Variants in ORC5 observed in about 807,000 individuals in gnomAD.
ORC5 encodes origin recognition complex subunit 5.
A neutral mutation model predicts 58.8 loss-of-function variants in ORC5; 39 were observed. The ratio of observed to expected loss-of-function variants is 0.66; its 90% confidence interval spans 0.51 to 0.87. The LOEUF is 0.87. Ranked by LOEUF, ORC5 falls within the 40% of genes least tolerant of loss-of-function variation. The pLI is 0.00. For missense variants in ORC5, 493 were observed against 506.3 expected (o/e 0.97, Z 0.25); for synonymous variants, 218 against 177.6 (o/e 1.23, Z -1.81).
chr7:104,153,472 G>C (rs1227019049), intron 12 of ORC5, among the ~76,000 whole-genome samples: 2 of 152,086 alleles, frequency 1.3e-5, no homozygotes, highest in Non-Finnish European at 2.9e-5. Flanking sequence ...ATCTTGGAAT[G>C]CAATGTCTCA....
chr7:104,165,405 T>A, intron 10 of ORC5, 123 bp from the exon 11 acceptor site: 2 of 612,222 alleles, frequency 3.3e-6, no homozygotes, highest in East Asian at 6.2e-5. Flanking sequence ...TTTAAATAGT[T>A]ATTCTTCTTA....
chr7:104,134,487 A>G (rs1391879185), intron 13 of ORC5, among the ~76,000 whole-genome samples: 1 of 151,786 alleles, frequency 6.6e-6, no homozygotes, highest in Non-Finnish European at 1.5e-5. Context: ...CTATTATCTC[A>G]ATACATGAGG....
At chr7:104,170,823 TTTCTGTC>T (rs1483152079) in intron 8 of ORC5, among the ~76,000 whole-genome samples, 3 of 152,178 alleles carry the variant, frequency 2.0e-5, no homozygotes, top group Non-Finnish European at 4.4e-5. Context: ...CCATTGTTCT[TTTCTGTC>T]TTCAGGAGCT....
chr7:104,177,639 G>T (rs1291408477), intron 8 of ORC5, among the ~76,000 whole-genome samples: 1 of 152,092 alleles, frequency 6.6e-6, no homozygotes, highest in African/African-American at 2.4e-5. Flanking sequence ...CATGTGCCAT[G>T]GTGATCTACT....
chr7:104,138,752 T>G lies in ORC5; in HGVS notation c.1150-1859A>C, dbSNP rs1798628656. ...CTCTTGAGCTCCTGGGCTCAAGTGA[T>G]GCACCTGCCTAGCCTCCCAAAGTGT... On this transcript the variant is annotated intron_variant, in intron 12 of 13. Coordinates refer to ENST00000297431, the MANE Select transcript of ORC5 (RefSeq NM_002553.4). The surrounding 1 kb of genome is among the most constrained non-coding windows in gnomAD (Gnocchi z 4.7). Among the ~76,000 whole-genome samples the G allele has an allele frequency of 6.6e-6, 1 of 152,196 alleles. No individual in the cohort carries two copies. Among genetic ancestry groups the G allele is most frequent in the Non-Finnish European group, 1.5e-5 (1 of 68,018 alleles).
intron 12 of ORC5, among the ~76,000 whole-genome samples, chr7:104,147,980 G>C (rs1178213819): frequency 6.6e-6 from 1 of 152,110 alleles, no homozygotes; most frequent in Non-Finnish European, 1.5e-5. Context: ...GGTTCTAGCA[G>C]AGGATATGGA....
At chr7:104,151,648 G>C (rs1798849236) in intron 12 of ORC5, among the ~76,000 whole-genome samples, 1 of 152,188 alleles carries the variant, frequency 6.6e-6, no homozygotes, top group African/African-American at 2.4e-5. Flanking sequence ...GGAATGATTT[G>C]GTTTGGGGCA....
At chr7:104,193,719 TA>T (rs10651483) in intron 5 of ORC5, among the ~76,000 whole-genome samples, 11 of 145,800 alleles carry the variant, frequency 7.5e-5, no homozygotes, top group South Asian at 2.2e-4. Context: ...TGTTTTTGCT[TA>T]AAAAAAAAAA....
intron 5 of ORC5, among the ~76,000 whole-genome samples, chr7:104,190,936 A>C (rs993896224): frequency 5.3e-5 from 8 of 152,094 alleles, no homozygotes; most frequent in African/African-American, 1.7e-4. Context: ...AAGATCAAAA[A>C]ATATATATGA....
intron 12 of ORC5, among the ~76,000 whole-genome samples, chr7:104,146,758 T>C (rs1475862512): frequency 6.6e-6 from 1 of 152,134 alleles, no homozygotes; most frequent in Non-Finnish European, 1.5e-5. Flanking sequence ...ATGCACAGGA[T>C]AAAATTTCAT....
intron 1 of ORC5, among the ~76,000 whole-genome samples, chr7:104,206,326 A>C (rs778424119): frequency 6.6e-6 from 1 of 152,190 alleles, no homozygotes; most frequent in African/African-American, 2.4e-5. Flanking sequence ...TCCCACATGC[A>C]CAGCACCTTG....
At chr7:104,159,128 C>T (rs1798979916) in intron 12 of ORC5, among the ~76,000 whole-genome samples, 1 of 150,560 alleles carries the variant, frequency 6.6e-6, no homozygotes. Context: ...ACATATACAC[C>T]ATGGAATACT....
chr7:104,151,082 C>T (rs1026643758), intron 12 of ORC5, among the ~76,000 whole-genome samples: 2 of 151,916 alleles, frequency 1.3e-5, no homozygotes, highest in Admixed American at 6.6e-5. Flanking sequence ...AGAGAGGAAA[C>T]AGCTTATTGT....
rs201656822 is a variant in ORC5 at position 104,207,874 on chromosome 7, G to A, written c.31C>T (p.Arg11Cys). The stretch of plus-strand genomic sequence containing the variant: ...TGCAAGATGGACACTTGAGACTCGC[G>A]ACAAAGCACCACGTTTTCCAAGTGG... MPHLENVVLC[R>C]ESQVSILQSL... Residue 11 changes from arginine (R) to cysteine (C), a missense_variant, in exon 1 of 14, where the codon CGC becomes TGC. By Grantham distance (180) the Arg-to-Cys change is radical (BLOSUM62 -3). Around this residue, in one of 3 missense-constraint regions of ORC5, gnomAD observed 412 missense variants for 403.7 expected, o/e 1.02. Transcript: ENST00000297431. The A allele has an allele frequency of 8.7e-6, 14 of 1,614,134 alleles. No individual in the cohort carries two copies. The highest frequency in any genetic ancestry group is 5.1e-6 in the Non-Finnish European group (6 of 1,180,026).
rs953450897 is a variant in ORC5, at chr7:104,151,572, T to C, written c.1149+9500A>G. 2.6e-5 allele frequency among the ~76,000 whole-genome samples: 4 copies of C among 152,154 alleles called. No individual in the cohort carries two copies. The South Asian group carries it at 6.2e-4, about 24-fold the overall frequency. On this transcript the variant is annotated intron_variant, in intron 12 of 13. Coordinates refer to ENST00000297431, the MANE Select transcript of ORC5 (RefSeq NM_002553.4). The stretch of plus-strand genomic sequence containing the variant: ...ATACTACATGGCAGGTGCTTAGTAA[T>C]GGATGAATTAATAAATGATTAGTTT...
intron 13 of ORC5, among the ~76,000 whole-genome samples, chr7:104,135,407 C>G (rs1035309042): frequency 6.6e-6 from 1 of 152,100 alleles, no homozygotes; most frequent in Non-Finnish European, 1.5e-5. Flanking sequence ...TGTTTTACAG[C>G]CTATATGCCA....
rs534249346 is a variant in ORC5, at chr7:104,179,281, T to C, written c.824+4662A>G. ...AGGATAAATTTGAGAAATAATTTTGTGTGGTAAATAGTTTGTCCTAAATGT... is the reference window on the plus strand; with the variant it reads ...AGGATAAATTTGAGAAATAATTTTGCGTGGTAAATAGTTTGTCCTAAATGT... On this transcript the variant is annotated intron_variant, in intron 8 of 13. Coordinates refer to ENST00000297431, the MANE Select transcript of ORC5 (RefSeq NM_002553.4). Among the ~76,000 whole-genome samples the C allele has an allele frequency of 2.0e-5, 3 of 152,214 alleles. No homozygotes were observed. In the South Asian group the frequency reaches 6.2e-4, roughly 32 times the overall value.
At chr7:104,172,213 A>T (rs1799225828) in intron 8 of ORC5, among the ~76,000 whole-genome samples, 1 of 152,204 alleles carries the variant, frequency 6.6e-6, no homozygotes, top group Admixed American at 6.5e-5. Context: ...CTCTTTATTG[A>T]TATTGTGGAC....
At chr7:104,164,748 C>T (rs1210569691) in intron 11 of ORC5, among the ~76,000 whole-genome samples, 1 of 152,114 alleles carries the variant, frequency 6.6e-6, no homozygotes, top group Non-Finnish European at 1.5e-5. Flanking sequence ...AATCCCTAAG[C>T]TTTTTTCCAG....
Sources: gnomAD v4.1 joint callset for allele counts (sites outside exome capture counted in the v4.1 genomes callset) on GRCh38, gnomAD v4.1.1 for gene constraint, gnomAD v4.1.1 regional missense constraint, Gnocchi (gnomAD v3.1) non-coding constraint, MANE v1.5 for transcripts, NCBI Gene and HGNC (gene_info 2026-07-23, HGNC 2026-07-21) for gene names.